Variants in CDC23 observed in about 807,000 individuals in gnomAD.
CDC23 encodes cell division cycle 23.
CDC23 carries 26 observed loss-of-function variants against 81.7 expected under a neutral mutation model. The observed-to-expected ratio is 0.32, with a 90% confidence interval of 0.23 to 0.44. The LOEUF (loss-of-function observed/expected upper bound fraction) is 0.44. CDC23 is among the 20% of genes least tolerant of loss of function. CDC23 has a pLI of 1.00. For synonymous variants in CDC23, 267 were observed against 270.8 expected, an observed-to-expected ratio of 0.99 and a Z score of 0.14; for missense variants, 519 against 728.0, an observed-to-expected ratio of 0.71 and a Z score of 3.30.
intron 3 of CDC23, among the ~76,000 whole-genome samples, chr5:138,202,554 G>C (rs1353157337): frequency 2.0e-5 from 3 of 152,214 alleles, no homozygotes; most frequent in African/African-American, 7.2e-5. Flanking sequence ...AAAGTGTTGG[G>C]ATTACAGGCG....
At chr5:138,204,073 GAA>G (rs935502635) in intron 3 of CDC23, among the ~76,000 whole-genome samples, 1 of 152,180 alleles carries the variant, frequency 6.6e-6, no homozygotes, top group Non-Finnish European at 1.5e-5. Context: ...TTGGGGTAAA[GAA>G]TGATGATATC....
Position 138,188,420 on chromosome 5 carries a change from T to C in CDC23, c.*558A>G, listed in dbSNP as rs998244131. ...TTTAGAAGACCCCCCCAAAACTGTT[T>C]TGGAAGATTGTCTCCCTAGAGAGTA... On this transcript the variant is annotated 3_prime_UTR_variant, in exon 16 of 16. Coordinates refer to ENST00000394886, the MANE Select transcript of CDC23 (RefSeq NM_004661.4). 1 of 152,178 alleles carries C rather than the reference T, an allele frequency of 6.6e-6. No homozygotes were observed. Among genetic ancestry groups the C allele is most frequent in the Non-Finnish European group, 1.5e-5 (1 of 68,042 alleles). The allele number at this position is 152,178 out of a possible 1,614,324, so 9.4% of individuals were successfully genotyped here. A position where few individuals can be genotyped will look rare whatever the true frequency, so the allele number is the denominator to read the frequency against.
Position 138,201,093 on chromosome 5 carries a change from T to C in CDC23, c.654+14A>G. On this transcript the variant is annotated intron_variant, in intron 6 of 15. Coordinates refer to ENST00000394886, the MANE Select transcript of CDC23 (RefSeq NM_004661.4). The stretch of plus-strand genomic sequence containing the variant: ...TGAAGCAGAGGGTTTTTCACATAGC[T>C]CATCACAATTTACCATCTCTTTGTC... 1 of 1,612,604 alleles carries C rather than the reference T, an allele frequency of 6.2e-7. No homozygotes were observed.
In CDC23 at chr5:138,188,914, C is replaced by CT; in HGVS notation, c.*63dup. On this transcript the variant is annotated 3_prime_UTR_variant, in exon 16 of 16. Transcript: ENST00000394886. ...AGGTCCTTGGAACAGACGTGCTGTT[C>CT]TTTACATGGAGGTAAGGCTTAATTA... 2 of 1,518,538 alleles carry CT rather than the reference C, an allele frequency of 1.3e-6. No homozygotes were observed. Among genetic ancestry groups the CT allele is most frequent in the Non-Finnish European group, 1.8e-6 (2 of 1,114,800 alleles). 94.1% of individuals were successfully genotyped at this position (1,518,538 alleles called of 1,614,324 possible). A position where few individuals can be genotyped will look rare whatever the true frequency, so the allele number is the denominator to read the frequency against.
rs1754790725 is a variant in CDC23, at chr5:138,188,984, C to T, written c.1788G>A (p.Thr596=). The T allele has an allele frequency of 8.1e-6, 13 of 1,613,240 alleles. No homozygotes were observed. Among genetic ancestry groups the T allele is most frequent in the Admixed American group, 3.3e-5 (2 of 59,938 alleles). ...CTGGCTTGAGAGTAGCCAACTATGG[C>T]GTGACAGAAGACAAGTTGAGTGGAG... The part of the protein sequence containing the change: ...RVSPLNLSSV[T]P Residue 596 remains threonine, a synonymous_variant, in exon 16 of 16, where the codon ACG becomes ACA. Coordinates refer to ENST00000394886, the MANE Select transcript of CDC23 (RefSeq NM_004661.4).
chr5:138,194,258 T>C (rs1337316399), intron 9 of CDC23, among the ~76,000 whole-genome samples: 1 of 152,092 alleles, frequency 6.6e-6, no homozygotes. Context: ...GAGACCAGCA[T>C]GGGCAACATA....
At chr5:138,197,181 C>T (rs1222550030) in intron 9 of CDC23, among the ~76,000 whole-genome samples, 1 of 149,414 alleles carries the variant, frequency 6.7e-6, no homozygotes, top group Non-Finnish European at 1.5e-5. Flanking sequence ...TGGCAGGCAC[C>T]TGTAGTCCCA....
intron 11 of CDC23, 83 bp downstream of exon 11, chr5:138,192,186 G>A: frequency 6.5e-7 from 1 of 1,542,726 alleles, no homozygotes; most frequent in Non-Finnish European, 8.8e-7. Context: ...CATCCACTGT[G>A]ATTTGTCAAT....
intron 9 of CDC23, among the ~76,000 whole-genome samples, chr5:138,197,199 G>C (rs142702526): frequency 0.13 from 20,048 of 148,808 alleles, 1,738 homozygotes; most frequent in South Asian, 0.22. Context: ...CCAGCTACTC[G>C]GGAGGCTGAG....
chr5:138,201,371 G>A lies in CDC23; in HGVS notation c.493C>T (p.Arg165Ter), dbSNP rs1754987480. The change falls in exon 5 of 16, where the codon CGA (arginine) becomes TGA (stop). Residue 165 changes from arginine (R) to a stop codon, truncating the protein, a stop_gained. Coordinates refer to ENST00000394886, the MANE Select transcript of CDC23 (RefSeq NM_004661.4). LOFTEE classifies it high-confidence loss of function. ...TAAAGTCCAAATCCATCAAGTTCTC[G>A]AGCTTGGTGTTTTTTGCTGAGCTCC... Reference protein sequence around the residue: ...RVELSKKHQARELDGFGLYLY... With the variant: ...RVELSKKHQA The A allele has an allele frequency of 6.2e-7, 1 of 1,614,028 alleles. No individual in the cohort carries two copies. The highest frequency in any genetic ancestry group is 8.5e-7 in the Non-Finnish European group (1 of 1,179,976).
rs1311695193 is a variant in CDC23 at position 138,205,486 on chromosome 5, A to C, written c.372+1061T>G. The stretch of plus-strand genomic sequence containing the variant: ...TTATGTAAGGTACTTAGAGTAGTCC[A>C]GATCATAGAAACAGAAAATAGAATA... On this transcript the variant is annotated intron_variant, in intron 3 of 15. Transcript: ENST00000394886. 2.6e-5 allele frequency among the ~76,000 whole-genome samples: 4 copies of C among 152,120 alleles called. 1 individual carries two copies. Among genetic ancestry groups the C allele is most frequent in the Non-Finnish European group, 4.4e-5 (3 of 68,000 alleles).
intron 8 of CDC23, 54 bp from the exon 9 acceptor site, chr5:138,198,334 T>C: frequency 6.3e-7 from 1 of 1,586,110 alleles, no homozygotes; most frequent in African/African-American, 1.3e-5. Context: ...CCCTAAATTA[T>C]TTTTCCTGTA....
At chr5:138,194,638 C>A (rs1055050979) in intron 9 of CDC23, among the ~76,000 whole-genome samples, 1 of 150,208 alleles carries the variant, frequency 6.7e-6, no homozygotes. Context: ...CATAAATTTA[C>A]AAAAACTCAT....
In CDC23 at chr5:138,206,551, T is replaced by C; in HGVS notation, c.368A>G (p.Tyr123Cys). Reference protein sequence around the residue: ...KAYFLYMYSRYLSGEKKKDDE... With the variant: ...KAYFLYMYSRCLSGEKKKDDE... ...ACATTTTAAAATGGCCCTCACCAGA[T>C]ATCTGGAATACATATACAGAAAATA... The change falls in exon 3 of 16, where the codon TAT becomes TGT. Residue 123 changes from tyrosine to cysteine, a missense_variant. Transcript: ENST00000394886. The C allele has an allele frequency of 6.2e-7, 1 of 1,614,174 alleles. No homozygotes were observed. The highest frequency in any genetic ancestry group is 8.5e-7 in the Non-Finnish European group (1 of 1,180,000).
chr5:138,208,463 C>G (rs1755077640), intron 2 of CDC23, among the ~76,000 whole-genome samples: 1 of 152,046 alleles, frequency 6.6e-6, no homozygotes, highest in African/African-American at 2.4e-5. Flanking sequence ...TTTCTTTCCC[C>G]CTAACTCTTT....
intron 9 of CDC23, among the ~76,000 whole-genome samples, chr5:138,194,292 A>G (rs189630804): frequency 6.6e-6 from 1 of 152,250 alleles, no homozygotes; most frequent in Non-Finnish European, 1.5e-5. Context: ...TCTAAAAATA[A>G]AAAGTATCCA....
intron 11 of CDC23, 33 bp downstream of exon 11, chr5:138,192,236 A>C: frequency 6.2e-7 from 1 of 1,613,600 alleles, no homozygotes; most frequent in Middle Eastern, 1.7e-4. Context: ...AGCCCTTCCC[A>C]TATCAGACGC....
At chr5:138,192,109 A>T in intron 11 of CDC23, 160 bp downstream of exon 11, 4 of 971,374 alleles carry the variant, frequency 4.1e-6, no homozygotes, top group Non-Finnish European at 6.1e-6. Context: ...CATTAGTGAA[A>T]TATACTAAAT....
rs534233309 is a variant in CDC23 at position 138,187,655 on chromosome 5, G to T, written c.*1323C>A. 4.2e-4 allele frequency: 146 copies of T among 344,918 alleles called. 1 individual carries two copies. Among genetic ancestry groups the T allele is most frequent in the Middle Eastern group, 2.5e-3 (3 of 1,218 alleles). The allele number at this position is 344,918 out of a possible 1,614,324, so 21.4% of individuals were successfully genotyped here. ...AAACAGTTATATTAAAGATATTATTGTTCACATTTTTTATTGAATTCCAAA... is the reference window on the plus strand; with the variant it reads ...AAACAGTTATATTAAAGATATTATTTTTCACATTTTTTATTGAATTCCAAA... On this transcript the variant is annotated 3_prime_UTR_variant, in exon 16 of 16. Transcript: ENST00000394886.
Sources: gnomAD v4.1 joint callset for allele counts (sites outside exome capture counted in the v4.1 genomes callset) on GRCh38, gnomAD v4.1.1 for gene constraint, MANE v1.5 for transcripts, NCBI Gene and HGNC (gene_info 2026-07-23, HGNC 2026-07-21) for gene names.